Variants in PRKCB observed in about 807,000 individuals in gnomAD.
The protein encoded by PRKCB is protein kinase C beta.
A neutral mutation model predicts 81.5 loss-of-function variants in PRKCB; 13 were observed. The ratio of observed to expected loss-of-function variants is 0.16; its 90% confidence interval spans 0.10 to 0.25. The LOEUF is 0.25. PRKCB is among the 10% of genes least tolerant of loss of function. PRKCB has a pLI of 1.00. For missense variants in PRKCB, 509 were observed against 875.7 expected (o/e 0.58, Z 5.29); for synonymous variants, 335 against 321.4 (o/e 1.04, Z -0.45).
At chr16:23,886,406 G>GTTTTTTTTTTTTTT (rs398029038) in intron 2 of PRKCB, among the ~76,000 whole-genome samples, 8 of 70,220 alleles carry the variant, frequency 1.1e-4, no homozygotes, top group Admixed American at 3.7e-4. Flanking sequence ...TGTGTTAGGT[G>GTTTTTTTTTTTTTT]TTTTTTTTTT....
intron 3 of PRKCB, among the ~76,000 whole-genome samples, chr16:24,005,581 G>T (rs549733932): frequency 6.6e-6 from 1 of 152,168 alleles, no homozygotes; most frequent in Non-Finnish European, 1.5e-5. Flanking sequence ...TCCTCCATCC[G>T]CTGGGAGTCA....
intron 12 of PRKCB, among the ~76,000 whole-genome samples, chr16:24,179,912 T>C (rs1967592064): frequency 6.6e-6 from 1 of 152,170 alleles, no homozygotes; most frequent in Admixed American, 6.5e-5. Flanking sequence ...TATACCTGGC[T>C]CCAGGCATAG....
At chr16:24,195,520 A>T (rs1162441851) in intron 16 of PRKCB, among the ~76,000 whole-genome samples, 1 of 152,262 alleles carries the variant, frequency 6.6e-6, no homozygotes, top group Non-Finnish European at 1.5e-5. Context: ...ACATCAGTGA[A>T]GGGTGCTATT....
intron 5 of PRKCB, among the ~76,000 whole-genome samples, chr16:24,085,480 A>G (rs559229416): frequency 3.3e-5 from 5 of 152,228 alleles, no homozygotes; most frequent in Non-Finnish European, 7.3e-5. Flanking sequence ...CTTACATTCC[A>G]CTTTGACACT....
chr16:24,071,428 A>T (rs1450012785), intron 5 of PRKCB, among the ~76,000 whole-genome samples: 1 of 128,712 alleles, frequency 7.8e-6, no homozygotes, highest in Non-Finnish European at 1.6e-5. Flanking sequence ...ACATGGTGAG[A>T]CCCTGTCTAA....
intron 9 of PRKCB, among the ~76,000 whole-genome samples, chr16:24,141,006 T>G (rs1966893621): frequency 6.6e-6 from 1 of 152,196 alleles, no homozygotes; most frequent in Admixed American, 6.5e-5. Flanking sequence ...ATCAGATCTC[T>G]TCCACTGTCA....
chr16:23,968,545 A>G (rs2141799266), intron 2 of PRKCB, among the ~76,000 whole-genome samples: 1 of 152,280 alleles, frequency 6.6e-6, no homozygotes, highest in East Asian at 1.9e-4. Context: ...AGGGGGAAGA[A>G]ACACCCCAGC....
At chr16:23,946,834 T>TTTCTTTCA (rs1324754143) in intron 2 of PRKCB, among the ~76,000 whole-genome samples, 9 of 149,236 alleles carry the variant, frequency 6.0e-5, no homozygotes, top group African/African-American at 2.2e-4. Flanking sequence ...GATCACACGT[T>TTTCTTTCA]TTCTTTCATT....
In PRKCB at chr16:24,215,345, C is replaced by T. The variant is rs1968209608; in HGVS notation, c.*529C>T. ...ATGTTATCTGTTATTTTTGTAAACT[C>T]AAAGTTAAGATGATCAAAGTTCTAA... On this transcript the variant is annotated 3_prime_UTR_variant, in exon 17 of 17. Coordinates refer to ENST00000643927, the MANE Select transcript of PRKCB (RefSeq NM_002738.7). 3 of 986,062 alleles carry T rather than the reference C, an allele frequency of 3.0e-6. No homozygotes were observed. The highest frequency in any genetic ancestry group is 6.1e-5 in the Admixed American group (1 of 16,348). The allele number at this position is 986,062 out of a possible 1,614,324, so 61.1% of individuals were successfully genotyped here.
intron 3 of PRKCB, among the ~76,000 whole-genome samples, chr16:24,031,414 G>T (rs1965549828): frequency 6.6e-6 from 1 of 152,138 alleles, no homozygotes; most frequent in Non-Finnish European, 1.5e-5. Flanking sequence ...AGAGGGAAAG[G>T]CTCAAGGAAG....
intron 7 of PRKCB, chr16:24,111,211 G>A (rs953331617): frequency 1.3e-5 from 2 of 152,188 alleles, no homozygotes; most frequent in Non-Finnish European, 2.9e-5. Context: ...TAAATGTGGA[G>A]GCGTAGAGGC....
chr16:24,048,264 G>A (rs1189599449), intron 5 of PRKCB, among the ~76,000 whole-genome samples: 1 of 152,190 alleles, frequency 6.6e-6, no homozygotes, highest in Non-Finnish European at 1.5e-5. Context: ...GTTACTGAGG[G>A]CATCTCCATT....
chr16:23,892,387 C>T (rs1387354875), intron 2 of PRKCB, among the ~76,000 whole-genome samples: 1 of 152,124 alleles, frequency 6.6e-6, no homozygotes, highest in Non-Finnish European at 1.5e-5. Flanking sequence ...TGGATTAAAT[C>T]GTTTTAAGGT....
Position 24,037,078 on chromosome 16 carries a change from T to A in PRKCB, c.529+1531T>A, listed in dbSNP as rs185518820. On this transcript the variant is annotated intron_variant, in intron 5 of 16. Transcript: ENST00000643927. ...ATCTTAGCTCACTGGAACCTCCACC[T>A]CCCGGGTTCAAGCGATTCTCCTGCC... Among the ~76,000 whole-genome samples the A allele has an allele frequency of 4.6e-4, 70 of 152,230 alleles. 2 individuals carry two copies. In the East Asian group the frequency reaches 0.012, roughly 26 times the overall value.
rs1968278520 is a variant in PRKCB at position 24,219,081 on chromosome 16, C to T, written c.*4265C>T. 1.4e-5 allele frequency: 14 copies of T among 985,246 alleles called. No individual in the cohort carries two copies. Among genetic ancestry groups the T allele is most frequent in the African/African-American group, 3.5e-5 (2 of 57,184 alleles). The allele number at this position is 985,246 out of a possible 1,614,324, so 61.0% of individuals were successfully genotyped here. A position where few individuals can be genotyped will look rare whatever the true frequency, so the allele number is the denominator to read the frequency against. On this transcript the variant is annotated 3_prime_UTR_variant, in exon 17 of 17. Coordinates refer to ENST00000643927, the MANE Select transcript of PRKCB (RefSeq NM_002738.7). Reference sequence around the variant, plus strand: ...AGGCTTGCAAGGACCCTGAAGAGGTCGGAGCATCATACAGATTCCTTTATT... The same window carrying T: ...AGGCTTGCAAGGACCCTGAAGAGGTTGGAGCATCATACAGATTCCTTTATT...
At chr16:24,161,965 G>A (rs1307221349) in intron 10 of PRKCB, among the ~76,000 whole-genome samples, 1 of 152,074 alleles carries the variant, frequency 6.6e-6, no homozygotes, top group Non-Finnish European at 1.5e-5. Flanking sequence ...GTGGGCACAG[G>A]CAGTTAAGTT....
intron 5 of PRKCB, among the ~76,000 whole-genome samples, chr16:24,089,144 A>T (rs1403096968): frequency 6.6e-6 from 1 of 152,216 alleles, no homozygotes; most frequent in Non-Finnish European, 1.5e-5. Flanking sequence ...GGGAAAATGC[A>T]TGGGTATTTT....
intron 16 of PRKCB, among the ~76,000 whole-genome samples, chr16:24,210,718 A>G (rs1020289847): frequency 4.6e-5 from 7 of 152,046 alleles, no homozygotes; most frequent in Admixed American, 6.6e-5. Flanking sequence ...CAGGCTGGTC[A>G]TGAATTCCTG....
At chr16:23,873,742 C>T (rs1281935631) in intron 2 of PRKCB, among the ~76,000 whole-genome samples, 1 of 152,184 alleles carries the variant, frequency 6.6e-6, no homozygotes, top group East Asian at 1.9e-4. Context: ...GGAGCAGTTT[C>T]AGGAAAGTCT....
Sources: allele counts gnomAD v4.1 joint callset (sites outside exome capture counted in the v4.1 genomes callset), GRCh38; gene constraint gnomAD v4.1.1; transcripts MANE v1.5; gene names NCBI Gene and HGNC (gene_info 2026-07-23, HGNC 2026-07-21).